Variants in PCNT observed in about 807,000 individuals in gnomAD.
The protein encoded by PCNT is pericentrin, also known as kendrin.
A neutral mutation model predicts 380.4 loss-of-function variants in PCNT; 319 were observed. The observed-to-expected ratio is 0.84, with a 90% confidence interval of 0.77 to 0.92. PCNT has a LOEUF of 0.92. PCNT is among the 40% of genes least tolerant of loss of function. PCNT has a pLI of 0.00. For missense variants in PCNT, 4,400 were observed against 4,255.3 expected (o/e 1.03, Z -0.95); for synonymous variants, 1,845 against 1,735.2 (o/e 1.06, Z -1.57).
intron 44 of PCNT, among the ~76,000 whole-genome samples, chr21:46,443,601 G>C (rs1373059864): frequency 6.6e-6 from 1 of 152,160 alleles, no homozygotes; most frequent in East Asian, 1.9e-4. Context: ...CCCGGAGACG[G>C]GCTACCCCTG....
At position 46,357,974 on chromosome 21, in the gene PCNT, C is replaced by T. The variant is rs924180141; in HGVS notation, c.2154+783C>T. ...TGTCATAAATGATGACAAAGCAACA[C>T]GACAGCAGCCTCCACATGGCCCGAT... On this transcript the variant is annotated intron_variant, in intron 13 of 46. Coordinates refer to ENST00000359568, the MANE Select transcript of PCNT (RefSeq NM_006031.6). Among the ~76,000 whole-genome samples the T allele has an allele frequency of 3.9e-5, 6 of 152,240 alleles. No homozygotes were observed. In the South Asian group the frequency reaches 6.2e-4, roughly 16 times the overall value.
Position 46,445,472 on chromosome 21 carries a change from T to C in PCNT, c.*145T>C, listed in dbSNP as rs1324481282. 1 of 750,636 alleles carries C rather than the reference T, an allele frequency of 1.3e-6. No individual in the cohort carries two copies. The highest frequency in any genetic ancestry group is 1.7e-5 in the African/African-American group (1 of 57,830). The allele number at this position is 750,636 out of a possible 1,614,324, so 46.5% of individuals were successfully genotyped here. ...GCCCCCAGATGCCTTGAATTAAGTG[T>C]CCTCACCTTTATGCATGACTGCAAA... is the stretch of plus-strand genomic sequence containing the variant. On this transcript the variant is annotated 3_prime_UTR_variant, in exon 47 of 47. Coordinates refer to ENST00000359568, the MANE Select transcript of PCNT (RefSeq NM_006031.6).
At chr21:46,409,053 G>A (rs892812076) in intron 27 of PCNT, among the ~76,000 whole-genome samples, 1 of 151,496 alleles carries the variant, frequency 6.6e-6, no homozygotes, top group Non-Finnish European at 1.5e-5. Flanking sequence ...TGGATTGTTC[G>A]GTTTCTTATT....
chr21:46,333,263 T>TC (rs1569160824), intron 2 of PCNT, among the ~76,000 whole-genome samples: 4 of 150,790 alleles, frequency 2.7e-5, no homozygotes, highest in Admixed American at 2.6e-4. Context: ...GAAACCCCGA[T>TC]TCTACTAAAA....
At chr21:46,390,599 T>G in intron 19 of PCNT, 71 bp from the exon 20 acceptor site, 1 of 1,543,214 alleles carries the variant, frequency 6.5e-7, no homozygotes, top group Non-Finnish European at 9.0e-7. Flanking sequence ...AGAAGTGGCG[T>G]TCTCTTGGTC....
chr21:46,443,342 C>G (rs925278774), intron 44 of PCNT, among the ~76,000 whole-genome samples: 2 of 152,216 alleles, frequency 1.3e-5, no homozygotes, highest in Non-Finnish European at 2.9e-5. Flanking sequence ...GTCAGCCTCC[C>G]CAGTACCTGG....
At chr21:46,338,342 G>GT (rs151126661) in intron 3 of PCNT, among the ~76,000 whole-genome samples, 6,530 of 152,268 alleles carry the variant, frequency 0.043, 210 homozygotes, top group Non-Finnish European at 0.063. Flanking sequence ...CCAGTGGTCT[G>GT]TTTTTTGTTC....
At chr21:46,374,950 C>G (rs1286218980) in intron 15 of PCNT, among the ~76,000 whole-genome samples, 2 of 152,056 alleles carry the variant, frequency 1.3e-5, no homozygotes, top group African/African-American at 2.4e-5. Context: ...CCTGTTCTTC[C>G]CCGCGGCGAT....
intron 27 of PCNT, 107 bp downstream of exon 27, chr21:46,402,590 C>G: frequency 8.3e-7 from 1 of 1,201,106 alleles, no homozygotes; most frequent in Non-Finnish European, 1.2e-6. Context: ...TCTTCACAGA[C>G]GCCCGTGGCC....
At chr21:46,436,475 C>G (rs1171319659) in intron 39 of PCNT, among the ~76,000 whole-genome samples, 4 of 27,668 alleles carry the variant, frequency 1.4e-4, no homozygotes, top group African/African-American at 6.2e-4. Context: ...CTGTGGCCCC[C>G]CCCCCCCCCC....
Position 46,425,747 on chromosome 21 carries a change from C to T in PCNT, c.7180-84C>T, listed in dbSNP as rs528572771. 41 of 1,590,294 alleles carry T rather than the reference C, an allele frequency of 2.6e-5. 1 individual carries two copies. The East Asian group carries it at 6.9e-4, about 27-fold the overall frequency. ...CTGCCCGCCCTTCACAGAGTCCTGGCGGCAGCTCGGGGCCGCAGGTGGTGT... is the reference window on the plus strand; with the variant it reads ...CTGCCCGCCCTTCACAGAGTCCTGGTGGCAGCTCGGGGCCGCAGGTGGTGT... On this transcript the variant is annotated intron_variant, in intron 32 of 46. Transcript: ENST00000359568. The surrounding 1 kb of genome is among the most constrained non-coding windows in gnomAD (Gnocchi z 4.2).
At position 46,402,515 on chromosome 21, in the gene PCNT, G is replaced by A. The variant is rs775146506; in HGVS notation, c.5115+32G>A. The A allele has an allele frequency of 4.3e-6, 7 of 1,612,602 alleles. No individual in the cohort carries two copies. In the African/African-American group the frequency reaches 9.3e-5, roughly 22 times the overall value. The stretch of plus-strand genomic sequence containing the variant: ...TACCAAAGGTCCACGTGACGCCCGA[G>A]TTCATGTTGCTTATGCCGGTGCCGA... On this transcript the variant is annotated intron_variant, in intron 27 of 46. Coordinates refer to ENST00000359568, the MANE Select transcript of PCNT (RefSeq NM_006031.6).
Position 46,346,847 on chromosome 21 carries a change from G to C in PCNT, c.825G>C (p.Thr275=). ...CCAACCTCCAGAAGGAGAAGGAGAC[G>C]GCATTGACGGAGCTGCGGGAGATGC... The part of the protein sequence containing the change: ...TQANLQKEKE[T]ALTELREMLN... Residue 275 remains threonine (T), a synonymous_variant, in exon 5 of 47, where the codon ACG becomes ACC. Transcript: ENST00000359568. 1 of 1,608,234 alleles carries C rather than the reference G, an allele frequency of 6.2e-7. No individual in the cohort carries two copies.
chr21:46,418,060 C>T (rs1228550318), intron 30 of PCNT, 144 bp from the exon 31 acceptor site: 23 of 654,072 alleles, frequency 3.5e-5, no homozygotes, highest in African/African-American at 7.3e-5. Context: ...AGCATTCGAC[C>T]TGTGTGTTCA....
chr21:46,324,947 C>T (rs2083319756), intron 1 of PCNT: 7 of 983,468 alleles, frequency 7.1e-6, no homozygotes, highest in Non-Finnish European at 8.4e-6. Flanking sequence ...CGTCTTCTTC[C>T]CGCGCCCTTG....
At chr21:46,399,490 C>A in intron 24 of PCNT, 100 bp from the exon 25 acceptor site, 1 of 844,736 alleles carries the variant, frequency 1.2e-6, no homozygotes, top group Non-Finnish European at 2.0e-6. Flanking sequence ...GGGCATAGGG[C>A]ATCTATTTTG....
At chr21:46,343,368 T>G (rs769685381) in intron 3 of PCNT, among the ~76,000 whole-genome samples, 2 of 152,210 alleles carry the variant, frequency 1.3e-5, no homozygotes, top group South Asian at 2.1e-4. Context: ...GTCAAATGCT[T>G]CTTCTGCATC....
rs190608357 is a variant in PCNT at position 46,396,834 on chromosome 21, G to A, written c.4217-431G>A. Among the ~76,000 whole-genome samples, 287 of 152,180 alleles carry A rather than the reference G, an allele frequency of 1.9e-3. 2 individuals are homozygous for A. Among genetic ancestry groups the A allele is most frequent in the African/African-American group, 6.6e-3 (274 of 41,516 alleles). On this transcript the variant is annotated intron_variant, in intron 21 of 46. Transcript: ENST00000359568. ...GCCAGGCTGGTCTCAAACTCCTGAC[G>A]TCGAGTGATCCACCCGCCTCGGCCT...
intron 40 of PCNT, among the ~76,000 whole-genome samples, chr21:46,437,303 G>A (rs1020487280): frequency 8.1e-6 from 1 of 122,930 alleles, no homozygotes; most frequent in Non-Finnish European, 1.5e-5. Flanking sequence ...GTCTTCGGGG[G>A]CTGAGCCCTG....
Sources: gnomAD v4.1 joint callset for allele counts (sites outside exome capture counted in the v4.1 genomes callset) on GRCh38, gnomAD v4.1.1 for gene constraint, Gnocchi (gnomAD v3.1) non-coding constraint, MANE v1.5 for transcripts, NCBI Gene and HGNC (gene_info 2026-07-23, HGNC 2026-07-21) for gene names.